The following SMURF2 variants were observed in gnomAD, a reference collection of about 807,000 sequenced individuals.
SMURF2 encodes E3 ubiquitin-protein ligase SMURF2.
SMURF2 carries 48 observed loss-of-function variants against 109.6 expected under a neutral mutation model. The observed-to-expected ratio is 0.44, with a 90% CI of 0.35 to 0.56. The LOEUF (loss-of-function observed/expected upper bound fraction) is 0.56, where lower values mean the gene tolerates loss of function less well. Ranked by LOEUF, SMURF2 falls within the 20% of genes least tolerant of loss-of-function variation. SMURF2 has a pLI of 0.01. For missense variants in SMURF2, 575 were observed against 909.0 expected, an observed-to-expected ratio of 0.63 and a Z score of 4.72; for synonymous variants, 288 against 317.1, an observed-to-expected ratio of 0.91 and a Z score of 0.97.
chr17:64,551,699 T>C lies in SMURF2; in HGVS notation c.1754A>G (p.Tyr585Cys), dbSNP rs1555683636. 7 of 1,613,936 alleles carry C rather than the reference T, an allele frequency of 4.3e-6. No individual in the cohort carries two copies. Among genetic ancestry groups the C allele is most frequent in the Non-Finnish European group, 5.9e-6 (7 of 1,179,914 alleles). Residue 585 changes from tyrosine (Y) to cysteine (C), a missense_variant, in exon 16 of 19, where the codon TAT becomes TGT. Around this residue, in one of 5 missense-constraint regions of SMURF2, gnomAD observed 361 missense variants for 612.1 expected, o/e 0.59. Transcript: ENST00000262435. ...EENKKEYVRL[Y>C]VNWRFLRGIE... is the part of the protein sequence containing the mutation. ...GCCTCGTAAAAATCTCCAGTTCACA[T>C]AGAGCCTGTAAACATTCGGCAGGAT...
chr17:64,662,070 C>G lies in SMURF2; in HGVS notation c.-190G>C, dbSNP rs1471284705. 4 of 1,096,132 alleles carry G rather than the reference C, an allele frequency of 3.6e-6. No individual in the cohort carries two copies. The highest frequency in any genetic ancestry group is 4.3e-5 in the South Asian group (1 of 23,158). The allele number at this position is 1,096,132 out of a possible 1,614,324, so 67.9% of individuals were successfully genotyped here. A position where few individuals can be genotyped will look rare whatever the true frequency, so the allele number is the denominator to read the frequency against. On this transcript the variant is annotated 5_prime_UTR_variant, in exon 1 of 19. Transcript: ENST00000262435. ...AGGGAGCGGGACGCCGAGCTCCCCC[C>G]TCCTCCCACTTCTCCTTCCTCGGCC...
intron 1 of SMURF2, among the ~76,000 whole-genome samples, chr17:64,619,947 T>C (rs1224556664): frequency 1.3e-5 from 2 of 152,180 alleles, no homozygotes; most frequent in Admixed American, 6.5e-5. Flanking sequence ...CCTCACTCTC[T>C]TCCCAAGCTC....
At chr17:64,576,025 C>G (rs1034079567) in intron 9 of SMURF2, among the ~76,000 whole-genome samples, 2 of 151,730 alleles carry the variant, frequency 1.3e-5, no homozygotes, top group African/African-American at 4.9e-5. Flanking sequence ...GGCAACATGG[C>G]GTAACCCCAT....
Position 64,542,638 on chromosome 17 carries a change from G to A in SMURF2, c.*3210C>T, listed in dbSNP as rs1441295650. On this transcript the variant is annotated 3_prime_UTR_variant, in exon 19 of 19. Transcript: ENST00000262435. ...TGACTGTACGCTTAGAAAACAAGCA[G>A]AAGGAGCCACTCTCCCAAACTAAGG... The A allele has an allele frequency of 2.0e-5, 3 of 152,052 alleles. No individual in the cohort carries two copies. The highest frequency in any genetic ancestry group is 4.8e-5 in the African/African-American group (2 of 41,406). 9.4% of individuals were successfully genotyped at this position (152,052 alleles called of 1,614,324 possible).
chr17:64,583,575 T>C (rs782041578), intron 6 of SMURF2, 31 bp from the exon 7 acceptor site: 1 of 1,565,994 alleles, frequency 6.4e-7, no homozygotes, highest in African/African-American at 1.3e-5. Flanking sequence ...GATAAGGCAT[T>C]AATAGGAAAC....
chr17:64,550,926 G>A (rs1229252696), intron 16 of SMURF2, among the ~76,000 whole-genome samples: 1 of 151,980 alleles, frequency 6.6e-6, no homozygotes, highest in Admixed American at 6.6e-5. Flanking sequence ...AGATTAATGA[G>A]GTTTTACTTA....
chr17:64,656,149 A>G (rs1970702651), intron 1 of SMURF2, among the ~76,000 whole-genome samples: 1 of 152,248 alleles, frequency 6.6e-6, no homozygotes, highest in Non-Finnish European at 1.5e-5. Flanking sequence ...AACTTCTTGG[A>G]GAATAAGTTC....
intron 3 of SMURF2, among the ~76,000 whole-genome samples, chr17:64,598,171 A>C (rs1969844358): frequency 1.3e-5 from 2 of 152,162 alleles, no homozygotes; most frequent in Non-Finnish European, 2.9e-5. Context: ...AGCCAGTTTC[A>C]TTTTCTTCTT....
intron 1 of SMURF2, among the ~76,000 whole-genome samples, chr17:64,618,185 C>A (rs1970151543): frequency 6.6e-6 from 1 of 152,172 alleles, no homozygotes; most frequent in Non-Finnish European, 1.5e-5. Flanking sequence ...ATAATCCTAG[C>A]ACTTTGGAAG....
At chr17:64,632,746 C>G (rs1373329043) in intron 1 of SMURF2, among the ~76,000 whole-genome samples, 3 of 152,200 alleles carry the variant, frequency 2.0e-5, no homozygotes, top group Non-Finnish European at 4.4e-5. Flanking sequence ...AGCTTAGAGA[C>G]AGGAATAAAA....
chr17:64,580,275 T>C (rs1969560699), intron 8 of SMURF2, among the ~76,000 whole-genome samples: 1 of 152,238 alleles, frequency 6.6e-6, no homozygotes, highest in South Asian at 2.1e-4. Flanking sequence ...TTATATAAGA[T>C]TGTAATCATT....
intron 17 of SMURF2, among the ~76,000 whole-genome samples, chr17:64,546,731 T>C (rs1968958950): frequency 6.6e-6 from 1 of 152,162 alleles, no homozygotes; most frequent in Non-Finnish European, 1.5e-5. Flanking sequence ...TGACTCAAAC[T>C]GGGCTGACAG....
rs1968966918 is a variant in SMURF2 at position 64,547,073 on chromosome 17, A to C, written c.2071+527T>G. Among the ~76,000 whole-genome samples, 1 of 152,260 alleles carries C rather than the reference A, an allele frequency of 6.6e-6. No homozygotes were observed. Among genetic ancestry groups the C allele is most frequent in the Non-Finnish European group, 1.5e-5 (1 of 68,046 alleles). On this transcript the variant is annotated intron_variant, in intron 17 of 18. Coordinates refer to ENST00000262435, the MANE Select transcript of SMURF2 (RefSeq NM_022739.4). The surrounding 1 kb of genome is among the most constrained non-coding windows in gnomAD (Gnocchi z 4.2). ...ATTAGCAATATTACCAGCTCCTCCC[A>C]AAATTAACCAGCTTATTCCACAGAA...
chr17:64,546,245 G>A lies in SMURF2; in HGVS notation c.2147+18C>T, dbSNP rs1555683098. ...TTATGTACATGGAATGGGGAATACA[G>A]CTACAAAAATACCTTACCAAGTGTG... On this transcript the variant is annotated intron_variant, in intron 18 of 18. Transcript: ENST00000262435. 6.2e-7 allele frequency: 1 copy of A among 1,611,286 alleles called. No homozygotes were observed. Among genetic ancestry groups the A allele is most frequent in the Non-Finnish European group, 8.5e-7 (1 of 1,177,448 alleles).
chr17:64,658,999 T>G (rs1970739097), intron 1 of SMURF2, among the ~76,000 whole-genome samples: 1 of 152,236 alleles, frequency 6.6e-6, no homozygotes, highest in South Asian at 2.1e-4. Context: ...TGGGATCAAA[T>G]TATTAAATTA....
Position 64,580,936 on chromosome 17 carries a change from T to C in SMURF2, c.625A>G (p.Asn209Asp). The C allele has an allele frequency of 6.2e-7, 1 of 1,614,140 alleles. No individual in the cohort carries two copies. Among genetic ancestry groups the C allele is most frequent in the Non-Finnish European group, 8.5e-7 (1 of 1,180,006 alleles). ...GRPLSCFVDE[N>D]TPISGTNGAT... ...CCATTTGTTCCACTAATTGGAGTGT[T>C]CTCATCAACAAAGCAGCTAAGAGGT... is the stretch of plus-strand genomic sequence containing the variant. Residue 209 changes from asparagine (N) to aspartate (D), a missense_variant, in exon 8 of 19, where the codon AAC (asparagine) becomes GAC (aspartate). By Grantham distance (23) the Asn-to-Asp change is conservative (BLOSUM62 1). This residue lies in a region of SMURF2 where 151 missense variants were observed against 178.4 expected (regional missense o/e 0.85). Coordinates refer to ENST00000262435, the MANE Select transcript of SMURF2 (RefSeq NM_022739.4).
chr17:64,655,078 C>G (rs1204430539), intron 1 of SMURF2, among the ~76,000 whole-genome samples: 1 of 151,924 alleles, frequency 6.6e-6, no homozygotes, highest in Admixed American at 6.6e-5. Context: ...TATAAATTAT[C>G]TGAAATTAAA....
At chr17:64,587,878 G>GAAT (rs1969684868) in intron 5 of SMURF2, among the ~76,000 whole-genome samples, 2 of 151,966 alleles carry the variant, frequency 1.3e-5, no homozygotes, top group South Asian at 4.1e-4. Flanking sequence ...GCATTGTTTA[G>GAAT]AATAATAGTA....
intron 1 of SMURF2, among the ~76,000 whole-genome samples, chr17:64,617,212 T>C (rs1991402): frequency 0.05 from 7,650 of 151,936 alleles, 319 homozygotes; most frequent in Admixed American, 0.14. Context: ...TCAACAGATA[T>C]AGTAATTTAC....
Sources: gnomAD v4.1 joint callset for allele counts (sites outside exome capture counted in the v4.1 genomes callset) on GRCh38, gnomAD v4.1.1 for gene constraint, gnomAD v4.1.1 regional missense constraint, Gnocchi (gnomAD v3.1) non-coding constraint, MANE v1.5 for transcripts, NCBI Gene and HGNC (gene_info 2026-07-23, HGNC 2026-07-21) for gene names.